The following ARHGAP15 variants were observed in gnomAD, a reference collection of about 807,000 sequenced individuals.
ARHGAP15 encodes Rho GTPase activating protein 15.
ARHGAP15 carries 51 observed loss-of-function variants against 63.7 expected under a neutral mutation model. That is an observed-to-expected ratio of 0.80 (90% CI 0.64 to 1.01). The LOEUF is 1.01. Ranked by LOEUF, ARHGAP15 falls within the 50% of genes least tolerant of loss-of-function variation. The pLI is 0.00. For missense variants in ARHGAP15, 560 were observed against 564.6 expected, an observed-to-expected ratio of 0.99 and a Z score of 0.08; for synonymous variants, 191 against 193.8, an observed-to-expected ratio of 0.99 and a Z score of 0.12.
chr2:143,761,513 A>C (rs1219793648), intron 13 of ARHGAP15, among the ~76,000 whole-genome samples: 2 of 151,906 alleles, frequency 1.3e-5, no homozygotes, highest in African/African-American at 4.8e-5. Context: ...GCACAAACTT[A>C]AAAGAAAGTT....
intron 1 of ARHGAP15, among the ~76,000 whole-genome samples, chr2:143,150,451 C>T (rs1000858251): frequency 3.9e-5 from 6 of 151,944 alleles, no homozygotes; most frequent in African/African-American, 7.2e-5. Flanking sequence ...AGCCAAAGTT[C>T]GTGTTGCTCT....
intron 12 of ARHGAP15, among the ~76,000 whole-genome samples, chr2:143,673,754 GTGTGTATATATATA>G (rs1288027292): frequency 1.6e-4 from 5 of 31,422 alleles, no homozygotes; most frequent in East Asian, 2.2e-3. Flanking sequence ...GTGTGTGTGT[GTGTGTATATATATA>G]TATATATATA....
intron 8 of ARHGAP15, among the ~76,000 whole-genome samples, chr2:143,440,283 G>A (rs1037370109): frequency 1.3e-5 from 2 of 152,218 alleles, no homozygotes; most frequent in Admixed American, 6.5e-5. Context: ...AAACCCCTCT[G>A]ATCTCAGTCC....
At chr2:143,539,676 G>A (rs1183798608) in intron 10 of ARHGAP15, among the ~76,000 whole-genome samples, 1 of 152,138 alleles carries the variant, frequency 6.6e-6, no homozygotes, top group Non-Finnish European at 1.5e-5. Flanking sequence ...CAGTTTCCAT[G>A]TAGTTGAGCA....
intron 12 of ARHGAP15, among the ~76,000 whole-genome samples, chr2:143,632,839 C>A (rs1020970347): frequency 1.3e-5 from 2 of 152,136 alleles, no homozygotes; most frequent in Non-Finnish European, 2.9e-5. Flanking sequence ...TTGACTTTAT[C>A]TTGCCCTTTG....
At position 143,209,003 on chromosome 2, in the gene ARHGAP15, T is replaced by G. The variant is rs375050422; in HGVS notation, c.234+6801T>G. Among the ~76,000 whole-genome samples the G allele has an allele frequency of 3.8e-4, 58 of 152,262 alleles. No individual in the cohort carries two copies. The South Asian group carries it at 6.0e-3, about 16-fold the overall frequency. ...AAAGCAGGCTTTTGCAGATAAACCT[T>G]AAGTCACAGATTCTACCTTTTAGAG... On this transcript the variant is annotated intron_variant, in intron 3 of 13. Transcript: ENST00000295095.
chr2:143,390,727 ACATG>A (rs1687500678), intron 6 of ARHGAP15, among the ~76,000 whole-genome samples: 1 of 41,210 alleles, frequency 2.4e-5, no homozygotes, highest in Non-Finnish European at 5.1e-5. Flanking sequence ...CTTGGAAAAC[ACATG>A]CACACACACA....
At chr2:143,544,046 A>G (rs1350454777) in intron 10 of ARHGAP15, among the ~76,000 whole-genome samples, 4 of 152,168 alleles carry the variant, frequency 2.6e-5, no homozygotes, top group African/African-American at 4.8e-5. Flanking sequence ...ACGAGTCCCA[A>G]AATCACAAAA....
intron 8 of ARHGAP15, among the ~76,000 whole-genome samples, chr2:143,475,229 A>G (rs559021496): frequency 7.9e-5 from 12 of 152,336 alleles, no homozygotes; most frequent in African/African-American, 1.4e-4. Context: ...TTTAGTGAGC[A>G]TAAGCTCCCT....
intron 11 of ARHGAP15, among the ~76,000 whole-genome samples, chr2:143,585,355 A>G (rs957143949): frequency 6.6e-6 from 1 of 152,172 alleles, no homozygotes; most frequent in South Asian, 2.1e-4. Context: ...AAAAATATAC[A>G]AAGAAAAATT....
chr2:143,410,812 GT>G (rs35149088), intron 6 of ARHGAP15, among the ~76,000 whole-genome samples: 92,445 of 139,160 alleles, frequency 0.66, 30,443 homozygotes, highest in Admixed American at 0.77. Flanking sequence ...GGAGGTGAAG[GT>G]TTTTTTTTTT....
At chr2:143,518,137 C>A (rs752150193) in intron 9 of ARHGAP15, among the ~76,000 whole-genome samples, 4 of 152,010 alleles carry the variant, frequency 2.6e-5, no homozygotes, top group Non-Finnish European at 5.9e-5. Context: ...TTAATGCCAC[C>A]GAGTGGTACA....
intron 13 of ARHGAP15, among the ~76,000 whole-genome samples, chr2:143,733,378 C>A (rs978152945): frequency 6.6e-6 from 1 of 152,082 alleles, no homozygotes; most frequent in Non-Finnish European, 1.5e-5. Context: ...CCTGAAGAGT[C>A]TTTTTCCAGA....
chr2:143,659,555 T>C (rs2105318576), intron 12 of ARHGAP15, among the ~76,000 whole-genome samples: 1 of 152,314 alleles, frequency 6.6e-6, no homozygotes, highest in African/African-American at 2.4e-5. Context: ...TTCTACTTTC[T>C]GAAAGATTCT....
intron 10 of ARHGAP15, among the ~76,000 whole-genome samples, chr2:143,523,670 G>A (rs1694149417): frequency 6.6e-6 from 1 of 152,014 alleles, no homozygotes; most frequent in African/African-American, 2.4e-5. Context: ...TTGGTTTTAA[G>A]GGAATAACAT....
chr2:143,504,226 T>C (rs79619718), intron 9 of ARHGAP15, among the ~76,000 whole-genome samples: 1 of 152,366 alleles, frequency 6.6e-6, no homozygotes, highest in South Asian at 2.1e-4. Flanking sequence ...TTCTACTTTA[T>C]AGGCAATTTT....
At chr2:143,388,132 TAAAAA>T (rs1007576919) in intron 6 of ARHGAP15, among the ~76,000 whole-genome samples, 6 of 152,172 alleles carry the variant, frequency 3.9e-5, no homozygotes, top group Admixed American at 6.6e-5. Flanking sequence ...GTGAGGTACT[TAAAAA>T]GAAAACTATT....
intron 11 of ARHGAP15, among the ~76,000 whole-genome samples, chr2:143,582,946 C>T (rs1696968855): frequency 6.6e-6 from 1 of 152,162 alleles, no homozygotes; most frequent in South Asian, 2.1e-4. Context: ...CAGGTTGAGT[C>T]CCAGCTTTTC....
Position 143,435,688 on chromosome 2 carries a change from A to G in ARHGAP15, c.562A>G (p.Ile188Val), listed in dbSNP as rs548023674. 2.0e-5 allele frequency: 32 copies of G among 1,603,358 alleles called. No homozygotes were observed. Among genetic ancestry groups the G allele is most frequent in the Non-Finnish European group, 2.5e-5 (30 of 1,177,180 alleles). The change falls in exon 7 of 14, where the codon ATT (isoleucine) becomes GTT (valine). Residue 188 changes from isoleucine to valine, a missense_variant. Coordinates refer to ENST00000295095, the MANE Select transcript of ARHGAP15 (RefSeq NM_018460.4). ...LDWFHAIKNA[I>V]DRLPKDSSCP... ...TTGGTTCCACGCTATCAAAAATGCA[A>G]TTGACAGATTGGTATGTATTTGTTT... is the stretch of plus-strand genomic sequence containing the variant.
Sources: allele counts gnomAD v4.1 joint callset (sites outside exome capture counted in the v4.1 genomes callset), GRCh38; gene constraint gnomAD v4.1.1; transcripts MANE v1.5; gene names NCBI Gene and HGNC (gene_info 2026-07-23, HGNC 2026-07-21).